The following FBXL4 variants were observed in gnomAD, a reference collection of about 807,000 sequenced individuals.
FBXL4 encodes the protein F-box/LRR-repeat protein 4.
FBXL4 carries 40 observed loss-of-function variants against 58.9 expected under a neutral mutation model. The ratio of observed to expected loss-of-function variants is 0.68; its 90% confidence interval spans 0.53 to 0.88. The LOEUF (loss-of-function observed/expected upper bound fraction) is 0.88, where lower values mean the gene tolerates loss of function less well. Ranked by LOEUF, FBXL4 falls within the 40% of genes least tolerant of loss-of-function variation. The pLI is 0.00. For synonymous variants in FBXL4, 263 were observed against 265.5 expected (o/e 0.99, Z 0.09); for missense variants, 676 against 734.4 (o/e 0.92, Z 0.92).
intron 1 of FBXL4, among the ~76,000 whole-genome samples, chr6:98,936,497 C>T (rs567138819): frequency 1.3e-5 from 2 of 152,310 alleles, no homozygotes; most frequent in Admixed American, 1.3e-4. Flanking sequence ...TCTGAAACAG[C>T]AAGACTGACC....
At chr6:98,945,146 G>C (rs541092990) in intron 1 of FBXL4, among the ~76,000 whole-genome samples, 21 of 152,272 alleles carry the variant, frequency 1.4e-4, no homozygotes, top group African/African-American at 4.3e-4. Flanking sequence ...CTCTGACCTA[G>C]CAATTCCATA....
At chr6:98,932,576 C>T (rs1773053117) in intron 2 of FBXL4, among the ~76,000 whole-genome samples, 1 of 151,934 alleles carries the variant, frequency 6.6e-6, no homozygotes, top group Non-Finnish European at 1.5e-5. Flanking sequence ...ATCGATGAGG[C>T]GGAGAGAAGC....
At chr6:98,888,810 A>C (rs563577091) in intron 7 of FBXL4, among the ~76,000 whole-genome samples, 68 of 152,336 alleles carry the variant, frequency 4.5e-4, no homozygotes, top group Non-Finnish European at 8.8e-4. Flanking sequence ...CAGAATTACC[A>C]AAACATACTC....
At chr6:98,941,894 T>C (rs1290415013) in intron 1 of FBXL4, among the ~76,000 whole-genome samples, 2 of 152,066 alleles carry the variant, frequency 1.3e-5, no homozygotes, top group Non-Finnish European at 2.9e-5. Context: ...TGTTAATTAA[T>C]AGGTTATAGG....
intron 5 of FBXL4, among the ~76,000 whole-genome samples, chr6:98,916,485 C>T (rs1427581360): frequency 1.3e-5 from 2 of 151,652 alleles, no homozygotes; most frequent in Non-Finnish European, 2.9e-5. Context: ...TACTATGCAG[C>T]CATAAAAAAT....
At chr6:98,932,512 G>T (rs1773049869) in intron 2 of FBXL4, among the ~76,000 whole-genome samples, 1 of 152,164 alleles carries the variant, frequency 6.6e-6, no homozygotes, top group Admixed American at 6.5e-5. Flanking sequence ...AAATTAAGAG[G>T]TATAGACAAG....
At chr6:98,944,088 T>C (rs1773533119) in intron 1 of FBXL4, among the ~76,000 whole-genome samples, 1 of 152,190 alleles carries the variant, frequency 6.6e-6, no homozygotes, top group African/African-American at 2.4e-5. Flanking sequence ...TCCAGCAATT[T>C]GGAAAAATAA....
At chr6:98,936,419 T>C (rs1479334896) in intron 1 of FBXL4, among the ~76,000 whole-genome samples, 2 of 152,226 alleles carry the variant, frequency 1.3e-5, no homozygotes, top group African/African-American at 4.8e-5. Flanking sequence ...TATGTATGGC[T>C]AACCCTTAAC....
chr6:98,898,205 G>T, intron 7 of FBXL4: 2 of 770,768 alleles, frequency 2.6e-6, no homozygotes, highest in Non-Finnish European at 3.2e-6. Flanking sequence ...AAACATTCCA[G>T]ACAGGCAAAA....
chr6:98,883,338 A>G (rs1562218350), intron 7 of FBXL4, among the ~76,000 whole-genome samples: 1 of 151,888 alleles, frequency 6.6e-6, no homozygotes, highest in African/African-American at 2.4e-5. Context: ...TTTGTCAGTT[A>G]TATCAGCTAT....
chr6:98,908,652 C>A (rs771618807), intron 5 of FBXL4, among the ~76,000 whole-genome samples: 1 of 151,904 alleles, frequency 6.6e-6, no homozygotes. Context: ...TCCTAGACAA[C>A]ATTGGTATCA....
intron 1 of FBXL4, among the ~76,000 whole-genome samples, chr6:98,940,524 T>C (rs796884948): frequency 8.5e-5 from 13 of 152,352 alleles, no homozygotes; most frequent in African/African-American, 2.9e-4. Context: ...CCTGTGGTTT[T>C]AATTTGAATT....
chr6:98,911,663 C>T (rs1422453807), intron 5 of FBXL4, among the ~76,000 whole-genome samples: 5 of 152,088 alleles, frequency 3.3e-5, no homozygotes, highest in African/African-American at 9.7e-5. Flanking sequence ...AGGCCATCCA[C>T]CAAAAACCCA....
intron 6 of FBXL4, among the ~76,000 whole-genome samples, chr6:98,901,567 C>T (rs1019277137): frequency 6.6e-6 from 1 of 152,118 alleles, no homozygotes; most frequent in Non-Finnish European, 1.5e-5. Flanking sequence ...ACCTTTCTGA[C>T]TTTCTTTCTC....
At chr6:98,924,822 G>A (rs1031210541) in intron 4 of FBXL4, among the ~76,000 whole-genome samples, 3 of 152,306 alleles carry the variant, frequency 2.0e-5, no homozygotes, top group East Asian at 1.9e-4. Context: ...TGCATGTTAC[G>A]GAGGTAGCAG....
At chr6:98,930,737 C>G (rs1333799948) in intron 2 of FBXL4, among the ~76,000 whole-genome samples, 3 of 152,146 alleles carry the variant, frequency 2.0e-5, no homozygotes, top group Non-Finnish European at 4.4e-5. Flanking sequence ...CAGAGCAAGA[C>G]CCCGTCTCAA....
intron 8 of FBXL4, among the ~76,000 whole-genome samples, chr6:98,877,327 A>C (rs916657080): frequency 2.2e-4 from 34 of 152,176 alleles, no homozygotes; most frequent in African/African-American, 8.2e-4. Context: ...ACTTAGAAAA[A>C]AAAAATTTAA....
chr6:98,927,441 A>G (rs1772834166), intron 3 of FBXL4, among the ~76,000 whole-genome samples: 1 of 152,242 alleles, frequency 6.6e-6, no homozygotes, highest in South Asian at 2.1e-4. Context: ...AAATAATCTT[A>G]GACATTGCTG....
At chr6:98,880,486 C>T (rs917334758) in intron 8 of FBXL4, 67 bp downstream of exon 8, 4 of 1,294,410 alleles carry the variant, frequency 3.1e-6, no homozygotes, top group Non-Finnish European at 4.5e-6. Context: ...AGTCAGGATA[C>T]ATTTCACCCA....
Sources: allele counts gnomAD v4.1 joint callset (sites outside exome capture counted in the v4.1 genomes callset), GRCh38; gene constraint gnomAD v4.1.1; transcripts MANE v1.5; gene names NCBI Gene and HGNC (gene_info 2026-07-23, HGNC 2026-07-21).